PI4KA: variants seen among roughly 807,000 people sequenced by gnomAD.
The protein encoded by PI4KA is PI4-kinase alpha.
In PI4KA, 122 loss-of-function variants were observed where a neutral mutation model predicts 271.4. The ratio of observed to expected loss-of-function variants is 0.45; its 90% CI spans 0.39 to 0.52. The LOEUF (loss-of-function observed/expected upper bound fraction) is 0.52, where lower values mean the gene tolerates loss of function less well. Ranked by LOEUF, PI4KA falls within the 20% of genes least tolerant of loss-of-function variation. The pLI is 0.00. For missense variants in PI4KA, 1,969 were observed against 2,769.1 expected, an observed-to-expected ratio of 0.71 and a Z score of 6.48; for synonymous variants, 1,041 against 1,078.8, an observed-to-expected ratio of 0.96 and a Z score of 0.69.
intron 19 of PI4KA, among the ~76,000 whole-genome samples, chr22:20,780,451 C>T (rs1035124608): frequency 3.3e-5 from 5 of 152,324 alleles, no homozygotes; most frequent in African/African-American, 1.2e-4. Flanking sequence ...CCCCATTTTA[C>T]AGAGGAAGCC....
intron 19 of PI4KA, among the ~76,000 whole-genome samples, chr22:20,766,834 C>T (rs575144828): frequency 1.3e-5 from 2 of 152,116 alleles, no homozygotes; most frequent in South Asian, 2.1e-4. Context: ...GGCACTGGGC[C>T]GGGAGAGAGG....
intron 1 of PI4KA, among the ~76,000 whole-genome samples, chr22:20,846,165 G>C (rs1202568474): frequency 6.7e-6 from 1 of 149,624 alleles, no homozygotes; most frequent in East Asian, 2.0e-4. Context: ...TTGGGAGGCT[G>C]AGGCAGGAGA....
Position 20,805,085 on chromosome 22 carries a change from T to A in PI4KA, c.1249A>T (p.Ile417Phe). ...FNTSQGELQK[I>F]LHDADRIHNE... ...TGGATCCGGTCTGCGTCATGTAGAA[T>A]CTTCTGGAGCTCCCCCTGGCTCGTG... Residue 417 changes from isoleucine (I) to phenylalanine (F), a missense_variant, in exon 11 of 55, where the codon ATT becomes TTT. This residue lies in a region of PI4KA where 540 missense variants were observed against 555.5 expected (regional missense o/e 0.97). Coordinates refer to ENST00000255882, the MANE Select transcript of PI4KA (RefSeq NM_058004.4). The A allele has an allele frequency of 1.2e-6, 2 of 1,614,074 alleles. No homozygotes were observed. Among genetic ancestry groups the A allele is most frequent in the Non-Finnish European group, 1.7e-6 (2 of 1,179,964 alleles).
intron 1 of PI4KA, among the ~76,000 whole-genome samples, chr22:20,843,036 T>G (rs967547741): frequency 7.0e-6 from 1 of 142,030 alleles, no homozygotes; most frequent in Non-Finnish European, 1.5e-5. Context: ...AGGCAGAGCT[T>G]GTAGTGAGCC....
intron 7 of PI4KA, among the ~76,000 whole-genome samples, chr22:20,815,679 A>T (rs1921703807): frequency 6.6e-6 from 1 of 152,162 alleles, no homozygotes; most frequent in African/African-American, 2.4e-5. Flanking sequence ...AGACGCCAAG[A>T]GGCCAACATA....
At chr22:20,739,054 A>G (rs911823899) in intron 32 of PI4KA, among the ~76,000 whole-genome samples, 1 of 150,812 alleles carries the variant, frequency 6.6e-6, no homozygotes, top group African/African-American at 2.4e-5. Flanking sequence ...AAAAAAAAAA[A>G]AAAGCAACTG....
intron 1 of PI4KA, among the ~76,000 whole-genome samples, chr22:20,839,504 C>A (rs1569090703): frequency 6.6e-6 from 1 of 152,222 alleles, no homozygotes; most frequent in Non-Finnish European, 1.5e-5. Flanking sequence ...CCAAACCAAC[C>A]TGCATTAACA....
intron 3 of PI4KA, among the ~76,000 whole-genome samples, chr22:20,827,023 G>A (rs1051215627): frequency 2.0e-5 from 3 of 151,874 alleles, no homozygotes; most frequent in African/African-American, 4.8e-5. Flanking sequence ...TTATTTTACT[G>A]TGCAGAAGCT....
intron 17 of PI4KA, among the ~76,000 whole-genome samples, chr22:20,797,912 C>G (rs1296558411): frequency 6.6e-6 from 1 of 152,142 alleles, no homozygotes; most frequent in African/African-American, 2.4e-5. Context: ...CTGACTTCAC[C>G]TCTCCCCTTC....
chr22:20,747,308 A>G (rs1420575508), intron 29 of PI4KA, among the ~76,000 whole-genome samples: 1 of 152,090 alleles, frequency 6.6e-6, no homozygotes, highest in Non-Finnish European at 1.5e-5. Context: ...GGGACATTCA[A>G]ATCAAAATCT....
At position 20,707,904 on chromosome 22, in the gene PI4KA, G is replaced by A. The variant is rs1300479310; in HGVS notation, c.*143C>T. The A allele has an allele frequency of 1.0e-5, 8 of 796,228 alleles. No homozygotes were observed. Among genetic ancestry groups the A allele is most frequent in the Non-Finnish European group, 1.8e-5 (8 of 439,126 alleles). 49.3% of individuals were successfully genotyped at this position (796,228 alleles called of 1,614,324 possible). ...ACCAAGGCTGCGCCACCCACGTGCT[G>A]CCCCAGGAGGCGCTACCAGGTTCTT... is the stretch of plus-strand genomic sequence containing the variant. On this transcript the variant is annotated 3_prime_UTR_variant, in exon 55 of 55. Transcript: ENST00000255882.
intron 1 of PI4KA, among the ~76,000 whole-genome samples, chr22:20,850,119 G>GAATCTT (rs1926772706): frequency 6.6e-6 from 1 of 152,076 alleles, no homozygotes; most frequent in Non-Finnish European, 1.5e-5. Flanking sequence ...TAAATTTTGT[G>GAATCTT]GTATGTGAAT....
Position 20,775,095 on chromosome 22 carries a change from G to A in PI4KA, c.2329-9402C>T, listed in dbSNP as rs377651808. On this transcript the variant is annotated intron_variant, in intron 19 of 54. Transcript: ENST00000255882. Reference sequence around the variant, plus strand: ...GTTGGGCCTGGAGACCATACACCAGGAGGGATGACGGTTTATCAAGTGTTA... The same window carrying A: ...GTTGGGCCTGGAGACCATACACCAGAAGGGATGACGGTTTATCAAGTGTTA... Among the ~76,000 whole-genome samples the A allele has an allele frequency of 1.1e-4, 16 of 152,150 alleles. No homozygotes were observed. The South Asian group carries it at 2.9e-3, about 28-fold the overall frequency.
At chr22:20,854,261 C>T (rs753232387) in intron 1 of PI4KA, among the ~76,000 whole-genome samples, 2 of 152,026 alleles carry the variant, frequency 1.3e-5, no homozygotes, top group East Asian at 1.9e-4. Flanking sequence ...GCTGGGATTA[C>T]AGGCGTCCGC....
At chr22:20,751,906 C>G in intron 25 of PI4KA, 151 bp from the exon 26 acceptor site, 1 of 665,458 alleles carries the variant, frequency 1.5e-6, no homozygotes, top group African/African-American at 1.8e-5. Context: ...GATGCCTGGC[C>G]TCCTCAGGCT....
Position 20,765,114 on chromosome 22 carries a change from CA to C in PI4KA, c.2559del (p.Asn853LysfsTer9). On this transcript the variant is annotated frameshift_variant, in exon 21 of 55. Coordinates refer to ENST00000255882, the MANE Select transcript of PI4KA (RefSeq NM_058004.4). LOFTEE classifies it high-confidence loss of function. ...TGAATCCTTACGGGGGTGACCGTGTCATTCTTCATGGCTGAGTTATACTGGA... is the reference window on the plus strand; with the variant it reads ...TGAATCCTTACGGGGGTGACCGTGTCTTCTTCATGGCTGAGTTATACTGGA... ...SVLQYNSAMKNDTVTPAELSE... is the reference protein window; with the variant it reads ...SVLQYNSAMKXDTVTPAELSE... 1.2e-6 allele frequency: 2 copies of C among 1,613,138 alleles called. No individual in the cohort carries two copies. Among genetic ancestry groups the C allele is most frequent in the Non-Finnish European group, 1.7e-6 (2 of 1,179,456 alleles).
intron 19 of PI4KA, chr22:20,786,757 G>A: frequency 3.8e-6 from 4 of 1,054,798 alleles, no homozygotes; most frequent in Non-Finnish European, 5.8e-6. Context: ...GACCAGCTGT[G>A]ATTTCCACCT....
chr22:20,749,089 G>A (rs111539571), intron 28 of PI4KA, among the ~76,000 whole-genome samples: 2,486 of 152,298 alleles, frequency 0.016, 77 homozygotes, highest in African/African-American at 0.055. Flanking sequence ...CTCTTCAGAC[G>A]ACAGACAGCC....
At chr22:20,823,775 CA>C (rs1923015564) in intron 4 of PI4KA, among the ~76,000 whole-genome samples, 1 of 151,932 alleles carries the variant, frequency 6.6e-6, no homozygotes, top group Admixed American at 6.6e-5. Context: ...CTTGTCTCTA[CA>C]AAAAATACAA....
Sources: gnomAD v4.1 joint callset for allele counts (sites outside exome capture counted in the v4.1 genomes callset) on GRCh38, gnomAD v4.1.1 for gene constraint, gnomAD v4.1.1 regional missense constraint, MANE v1.5 for transcripts, NCBI Gene and HGNC (gene_info 2026-07-23, HGNC 2026-07-21) for gene names.